Variants in GRM1 observed in about 807,000 individuals in gnomAD.
GRM1 encodes glutamate metabotropic receptor 1.
Under a neutral mutation model 90.9 loss-of-function variants are expected in GRM1, and 33 were observed. The ratio of observed to expected loss-of-function variants is 0.36; its 90% confidence interval spans 0.28 to 0.49. The LOEUF is 0.49. Ranked by LOEUF, GRM1 falls within the 20% of genes least tolerant of loss-of-function variation. The pLI, the probability that GRM1 is intolerant of heterozygous loss-of-function variation, is 0.99. For missense variants in GRM1, 1,190 were observed against 1,534.3 expected (o/e 0.78, Z 3.75); for synonymous variants, 700 against 613.2 (o/e 1.14, Z -2.09).
At chr6:146,221,437 C>T (rs1022882177) in intron 2 of GRM1, among the ~76,000 whole-genome samples, 2 of 152,140 alleles carry the variant, frequency 1.3e-5, no homozygotes, top group Admixed American at 1.3e-4. Flanking sequence ...TGAGTGAGAA[C>T]ATGCAGTCTT....
Position 146,029,706 on chromosome 6 carries a change from C to A in GRM1, c.189C>A (p.Pro63=). The A allele has an allele frequency of 6.2e-7, 1 of 1,614,018 alleles. No homozygotes were observed. Among genetic ancestry groups the A allele is most frequent in the Non-Finnish European group, 8.5e-7 (1 of 1,180,006 alleles). ...VHHQPPAEKV[P]ERKCGEIREQ... ...ACCAGCCTCCGGCCGAGAAAGTGCC[C>A]GAGAGGAAGTGTGGGGAGATCAGGG... Residue 63 remains proline (P), a synonymous_variant, in exon 1 of 8, where the codon CCC becomes CCA. Coordinates refer to ENST00000282753, the MANE Select transcript of GRM1 (RefSeq NM_001278064.2).
chr6:146,212,630 G>C (rs1461604893), intron 2 of GRM1, among the ~76,000 whole-genome samples: 1 of 152,130 alleles, frequency 6.6e-6, no homozygotes, highest in Admixed American at 6.5e-5. Context: ...ATTATTTGCT[G>C]CTATGGTAAA....
At chr6:146,432,312 G>A (rs371219481) in intron 7 of GRM1, among the ~76,000 whole-genome samples, 1 of 152,234 alleles carries the variant, frequency 6.6e-6, no homozygotes, top group African/African-American at 2.4e-5. Context: ...TTTATATCCA[G>A]AATTTTCTAT....
chr6:146,063,788 C>T (rs1332292882), intron 1 of GRM1, among the ~76,000 whole-genome samples: 3 of 152,066 alleles, frequency 2.0e-5, no homozygotes, highest in South Asian at 2.1e-4. Flanking sequence ...CTGTTGCATA[C>T]TGAAGTCATG....
intron 3 of GRM1, among the ~76,000 whole-genome samples, chr6:146,334,077 G>A (rs1169118406): frequency 6.6e-6 from 1 of 152,112 alleles, no homozygotes; most frequent in Non-Finnish European, 1.5e-5. Context: ...TCCTAACCTG[G>A]GTTCTCCTTT....
intron 1 of GRM1, among the ~76,000 whole-genome samples, chr6:146,066,220 CCTCCTTCCTCT>C (rs1244022646): frequency 1.3e-5 from 2 of 152,104 alleles, no homozygotes; most frequent in African/African-American, 2.4e-5. Context: ...TGTCTTCCTC[CCTCCTTCCTCT>C]CTCTTGTATT....
intron 1 of GRM1, among the ~76,000 whole-genome samples, chr6:146,058,464 C>G (rs572656105): frequency 6.6e-6 from 1 of 152,186 alleles, no homozygotes; most frequent in South Asian, 2.1e-4. Context: ...CTAAAAAATG[C>G]TAATGATCAT....
intron 1 of GRM1, among the ~76,000 whole-genome samples, chr6:146,034,854 G>A (rs889821019): frequency 6.6e-6 from 1 of 151,948 alleles, no homozygotes; most frequent in Non-Finnish European, 1.5e-5. Context: ...ATGACTTTAA[G>A]TAAAGATTTA....
intron 2 of GRM1, among the ~76,000 whole-genome samples, chr6:146,169,566 A>C (rs775624325): frequency 6.6e-6 from 1 of 152,052 alleles, no homozygotes; most frequent in Non-Finnish European, 1.5e-5. Flanking sequence ...TTTTCAACCC[A>C]CTTTTCTCCT....
rs947037505 is a variant in GRM1, at chr6:146,352,123, G to A, written c.1187-127G>A. 5.8e-5 allele frequency: 51 copies of A among 874,790 alleles called. 1 individual carries two copies. Among genetic ancestry groups the A allele is most frequent in the African/African-American group, 3.8e-4 (23 of 60,582 alleles). The allele number at this position is 874,790 out of a possible 1,614,324, so 54.2% of individuals were successfully genotyped here. A position where few individuals can be genotyped will look rare whatever the true frequency, so the allele number is the denominator to read the frequency against. ...AAGTACAAAGCTTGCACAGGTGGGC[G>A]TGGCTTCTGCCAGTGTCATTGCTCA... On this transcript the variant is annotated intron_variant, in intron 3 of 7. Transcript: ENST00000282753.
At chr6:146,264,844 A>G (rs146980693) in intron 2 of GRM1, among the ~76,000 whole-genome samples, 2 of 152,298 alleles carry the variant, frequency 1.3e-5, no homozygotes, top group African/African-American at 2.4e-5. Flanking sequence ...AGCTCCATCC[A>G]TGTTGCACAA....
intron 7 of GRM1, among the ~76,000 whole-genome samples, chr6:146,412,856 C>A (rs1001831443): frequency 6.6e-5 from 10 of 152,174 alleles, no homozygotes; most frequent in African/African-American, 2.2e-4. Flanking sequence ...AAACAAATTT[C>A]ATACTACCTT....
Position 146,434,330 on chromosome 6 carries a change from AC to A in GRM1, c.3120del (p.Phe1041SerfsTer42). On this transcript the variant is annotated frameshift_variant, in exon 8 of 8. Coordinates refer to ENST00000282753, the MANE Select transcript of GRM1 (RefSeq NM_001278064.2). LOFTEE classifies it high-confidence loss of function. ...LMDQLQGVVS[N>X]FSTAIPDFHA... ...GACCAGCTCCAGGGAGTGGTCAGCAACTTCAGTACCGCGATCCCGGATTTTC... is the reference window on the plus strand; with the variant it reads ...GACCAGCTCCAGGGAGTGGTCAGCAATTCAGTACCGCGATCCCGGATTTTC... 1 of 1,611,336 alleles carries A rather than the reference AC, an allele frequency of 6.2e-7. No homozygotes were observed. Among genetic ancestry groups the A allele is most frequent in the Non-Finnish European group, 8.5e-7 (1 of 1,178,024 alleles).
chr6:146,029,951 A>C lies in GRM1; in HGVS notation c.434A>C (p.Gln145Pro), dbSNP rs753758791. 1.2e-6 allele frequency: 2 copies of C among 1,614,076 alleles called. No homozygotes were observed. The highest frequency in any genetic ancestry group is 2.2e-5 in the South Asian group (2 of 91,076). The change falls in exon 1 of 8, where the codon CAG (glutamine) becomes CCG (proline). Residue 145 changes from glutamine to proline, a missense_variant. By Grantham distance (76) the Gln-to-Pro change is moderately conservative. Around this residue, in one of 10 missense-constraint regions of GRM1, gnomAD observed 91 missense variants for 95.6 expected, o/e 0.95. Transcript: ENST00000282753. Reference sequence around the variant, plus strand: ...ATCAACCGGTGTCTGCCTGACGGCCAGTCCCTCCCCCCAGGCAGGACTAAG... The same window carrying C: ...ATCAACCGGTGTCTGCCTGACGGCCCGTCCCTCCCCCCAGGCAGGACTAAG... ...DGINRCLPDGQSLPPGRTKKP... is the reference protein window; with the variant it reads ...DGINRCLPDGPSLPPGRTKKP...
At chr6:146,362,090 C>A (rs561534310) in intron 5 of GRM1, among the ~76,000 whole-genome samples, 60 of 152,252 alleles carry the variant, frequency 3.9e-4, no homozygotes, top group South Asian at 2.1e-3. Context: ...GCTCTCTTCT[C>A]CTGCTTTCTT....
chr6:146,342,670 G>A (rs1172996363), intron 3 of GRM1, among the ~76,000 whole-genome samples: 1 of 152,208 alleles, frequency 6.6e-6, no homozygotes, highest in Non-Finnish European at 1.5e-5. Flanking sequence ...GAATAGAACA[G>A]CACATGTAAA....
At chr6:146,299,842 T>A (rs567766508) in intron 2 of GRM1, among the ~76,000 whole-genome samples, 1 of 152,134 alleles carries the variant, frequency 6.6e-6, no homozygotes, top group African/African-American at 2.4e-5. Context: ...CACTGGGCTG[T>A]ACCTGAGTTC....
chr6:146,226,757 C>G (rs1380075739), intron 2 of GRM1, among the ~76,000 whole-genome samples: 1 of 152,082 alleles, frequency 6.6e-6, no homozygotes, highest in Admixed American at 6.6e-5. Flanking sequence ...GTTAAAAATG[C>G]TCTAATGGAC....
At chr6:146,166,334 G>T (rs1777902412) in intron 2 of GRM1, among the ~76,000 whole-genome samples, 1 of 151,982 alleles carries the variant, frequency 6.6e-6, no homozygotes, top group East Asian at 1.9e-4. Flanking sequence ...CCTAGATCAG[G>T]GATTTGCACT....
Sources: allele counts gnomAD v4.1 joint callset (sites outside exome capture counted in the v4.1 genomes callset), GRCh38; gene constraint gnomAD v4.1.1; regional missense constraint gnomAD v4.1.1; transcripts MANE v1.5; gene names NCBI Gene and HGNC (gene_info 2026-07-23, HGNC 2026-07-21).